The following PTPRN2 variants were observed in gnomAD, a reference collection of about 807,000 sequenced individuals.
The protein encoded by PTPRN2 is protein tyrosine phosphatase receptor type N2, also known as receptor-type tyrosine-protein phosphatase N2.
In PTPRN2, 74 loss-of-function variants were observed where a neutral mutation model predicts 118.8. That is an observed-to-expected ratio of 0.62 (90% CI 0.52 to 0.76). PTPRN2 has a LOEUF of 0.76. PTPRN2 is among the 30% of genes least tolerant of loss of function. The pLI, the probability that PTPRN2 is intolerant of heterozygous loss-of-function variation, is 0.00. For missense variants in PTPRN2, 1,481 were observed against 1,394.4 expected (o/e 1.06, Z -0.99); for synonymous variants, 641 against 608.0 (o/e 1.05, Z -0.80).
chr7:158,270,234 G>C (rs1798218270), intron 3 of PTPRN2, among the ~76,000 whole-genome samples: 1 of 152,244 alleles, frequency 6.6e-6, no homozygotes, highest in Admixed American at 6.5e-5. Flanking sequence ...AGGCTGCCTG[G>C]AAGGCTCCAC....
chr7:157,703,278 G>A (rs1474656959), intron 12 of PTPRN2, among the ~76,000 whole-genome samples: 1 of 152,192 alleles, frequency 6.6e-6, no homozygotes, highest in African/African-American at 2.4e-5. Context: ...TGGGGTCCCC[G>A]ACCGACTTTC....
intron 11 of PTPRN2, among the ~76,000 whole-genome samples, chr7:158,050,324 A>G (rs1185015531): frequency 6.6e-6 from 1 of 152,252 alleles, no homozygotes; most frequent in African/African-American, 2.4e-5. Flanking sequence ...CTACTAAGCT[A>G]CAATTTGAAA....
rs1421785022 is a variant in PTPRN2, at chr7:157,674,526, C to T, written c.2001+8199G>A. Among the ~76,000 whole-genome samples, 2 of 152,140 alleles carry T rather than the reference C, an allele frequency of 1.3e-5. No homozygotes were observed. The highest frequency in any genetic ancestry group is 2.4e-5 in the African/African-American group (1 of 41,422). ...TTCCTCATCCCACCACCCCGCGCAG[C>T]GTCTTGCCTCCTTTTATGCCGGTGT... On this transcript the variant is annotated intron_variant, in intron 13 of 22. Transcript: ENST00000389418. The surrounding 1 kb of genome is among the most constrained non-coding windows in gnomAD (Gnocchi z 4.5).
chr7:158,353,031 G>A (rs1808128491), intron 2 of PTPRN2, among the ~76,000 whole-genome samples: 1 of 152,230 alleles, frequency 6.6e-6, no homozygotes, highest in Non-Finnish European at 1.5e-5. Context: ...ATCACACCCT[G>A]TTAGTATTTA....
At chr7:157,666,390 G>C (rs1796136910) in intron 13 of PTPRN2, among the ~76,000 whole-genome samples, 1 of 152,016 alleles carries the variant, frequency 6.6e-6, no homozygotes, top group Non-Finnish European at 1.5e-5. Context: ...GGACGCATTT[G>C]CAATAATGGA....
intron 12 of PTPRN2, among the ~76,000 whole-genome samples, chr7:157,725,271 T>TCACCTCCCA (rs1563041903): frequency 1.8e-4 from 23 of 128,802 alleles, no homozygotes; most frequent in Middle Eastern, 4.8e-3. Context: ...AGCCAGACCC[T>TCACCTCCCA]GGCCTCCCAG....
intron 12 of PTPRN2, among the ~76,000 whole-genome samples, chr7:157,747,028 T>A: frequency 8.3e-6 from 1 of 120,476 alleles, no homozygotes; most frequent in Admixed American, 9.8e-5. Context: ...GCTGTTGAGG[T>A]GATTCTGAGG....
At chr7:158,523,443 G>A (rs934827833) in intron 1 of PTPRN2, among the ~76,000 whole-genome samples, 2 of 135,008 alleles carry the variant, frequency 1.5e-5, no homozygotes, top group African/African-American at 2.7e-5. Context: ...AGTCTGCCCT[G>A]GAGCGGAGTC....
chr7:158,230,228 C>G (rs1007077461), intron 3 of PTPRN2, among the ~76,000 whole-genome samples: 16 of 152,180 alleles, frequency 1.1e-4, no homozygotes, highest in African/African-American at 3.9e-4. Context: ...TTCACCACTA[C>G]TAGTCCTGTG....
intron 3 of PTPRN2, among the ~76,000 whole-genome samples, chr7:158,280,272 AAG>A (rs1383113845): frequency 1.3e-5 from 2 of 152,162 alleles, no homozygotes; most frequent in Admixed American, 6.5e-5. Flanking sequence ...TGAAGCTGCG[AAG>A]AGAGGCAGCA....
intron 2 of PTPRN2, among the ~76,000 whole-genome samples, chr7:158,325,271 T>A (rs1156866040): frequency 6.6e-6 from 1 of 152,174 alleles, no homozygotes; most frequent in East Asian, 1.9e-4. Context: ...CAGGGACACC[T>A]CCTGCTTACA....
chr7:157,909,991 A>G (rs1797992495), intron 11 of PTPRN2, among the ~76,000 whole-genome samples: 1 of 152,208 alleles, frequency 6.6e-6, no homozygotes, highest in Admixed American at 6.5e-5. Flanking sequence ...TGTTACCTCT[A>G]TTACTAAGAC....
chr7:158,247,741 T>C (rs1235548278), intron 3 of PTPRN2, among the ~76,000 whole-genome samples: 5 of 152,150 alleles, frequency 3.3e-5, no homozygotes, highest in Non-Finnish European at 2.9e-5. Flanking sequence ...CTCAGCCTCC[T>C]GAGTAGGTGG....
chr7:158,146,420 C>T (rs1352560017), intron 6 of PTPRN2, among the ~76,000 whole-genome samples: 4 of 152,226 alleles, frequency 2.6e-5, no homozygotes, highest in South Asian at 2.1e-4. Context: ...TGGGAACAAA[C>T]ATTATTCTAA....
At chr7:157,782,788 G>C (rs1295963919) in intron 12 of PTPRN2, among the ~76,000 whole-genome samples, 11 of 152,348 alleles carry the variant, frequency 7.2e-5, no homozygotes, top group African/African-American at 2.4e-4. Context: ...GAGGAAAATG[G>C]ACAATGAAAA....
intron 14 of PTPRN2, among the ~76,000 whole-genome samples, chr7:157,638,505 G>A (rs1268894177): frequency 6.6e-6 from 1 of 152,242 alleles, no homozygotes; most frequent in East Asian, 1.9e-4. Context: ...GTGTTGACTG[G>A]TCACCACTCC....
At chr7:157,752,975 C>T (rs552917111) in intron 12 of PTPRN2, among the ~76,000 whole-genome samples, 1 of 152,322 alleles carries the variant, frequency 6.6e-6, no homozygotes, top group Admixed American at 6.5e-5. Flanking sequence ...GATGGTTTTG[C>T]CATGGCCGGC....
At chr7:158,139,054 C>T (rs184488332) in intron 6 of PTPRN2, among the ~76,000 whole-genome samples, 3 of 152,206 alleles carry the variant, frequency 2.0e-5, no homozygotes, top group East Asian at 1.9e-4. Flanking sequence ...GTCAAAGCCT[C>T]GTCCAAGAAA....
chr7:158,501,194 C>A (rs1259101797), intron 1 of PTPRN2, among the ~76,000 whole-genome samples: 2 of 152,234 alleles, frequency 1.3e-5, no homozygotes, highest in Non-Finnish European at 2.9e-5. Flanking sequence ...CTTGCGGAGC[C>A]GCAGAGGGGA....
Sources: gnomAD v4.1 joint callset for allele counts (sites outside exome capture counted in the v4.1 genomes callset) on GRCh38, gnomAD v4.1.1 for gene constraint, Gnocchi (gnomAD v3.1) non-coding constraint, MANE v1.5 for transcripts, NCBI Gene and HGNC (gene_info 2026-07-23, HGNC 2026-07-21) for gene names.